RPAP2: variants seen among roughly 807,000 people sequenced by gnomAD.
The protein encoded by RPAP2 is putative RNA polymerase II subunit B1 CTD phosphatase RPAP2.
A neutral mutation model predicts 73.1 loss-of-function variants in RPAP2; 52 were observed. The ratio of observed to expected loss-of-function variants is 0.71; its 90% CI spans 0.57 to 0.90. The LOEUF is 0.90. Among genes scored for constraint, RPAP2 ranks in the 40% least tolerant of loss-of-function variants. The probability of loss-of-function intolerance (pLI) is 0.00; values close to 1 mark genes in which losing one functional copy is unlikely to be tolerated. For missense variants in RPAP2, 598 were observed against 701.8 expected (o/e 0.85, Z 1.67); for synonymous variants, 225 against 242.1 (o/e 0.93, Z 0.65).
chr1:92,364,580 T>C (rs1654860615), intron 11 of RPAP2, among the ~76,000 whole-genome samples: 1 of 152,188 alleles, frequency 6.6e-6, no homozygotes, highest in African/African-American at 2.4e-5. Context: ...TAAGTCATTT[T>C]GCCTTTCAAA....
At chr1:92,308,052 G>T (rs1050903208) in intron 6 of RPAP2, among the ~76,000 whole-genome samples, 2 of 151,888 alleles carry the variant, frequency 1.3e-5, no homozygotes, top group African/African-American at 2.4e-5. Context: ...ATAATGAGAT[G>T]CAGGTTAGCT....
chr1:92,309,580 T>TACACATAC (rs1651465708), intron 6 of RPAP2, among the ~76,000 whole-genome samples: 1 of 147,842 alleles, frequency 6.8e-6, no homozygotes, highest in Non-Finnish European at 1.5e-5. Flanking sequence ...CATATACATA[T>TACACATAC]ACATACACAT....
At chr1:92,344,372 T>G (rs1653766248) in intron 10 of RPAP2, among the ~76,000 whole-genome samples, 2 of 152,154 alleles carry the variant, frequency 1.3e-5, no homozygotes, top group South Asian at 4.1e-4. Context: ...GCCACTGCAC[T>G]CCAGCCTGGG....
chr1:92,308,538 T>C (rs1651383265), intron 6 of RPAP2, among the ~76,000 whole-genome samples: 1 of 152,238 alleles, frequency 6.6e-6, no homozygotes, highest in African/African-American at 2.4e-5. Flanking sequence ...TCTCTACATC[T>C]TAAATTTAAC....
At chr1:92,360,721 G>GT (rs1476610948) in intron 11 of RPAP2, among the ~76,000 whole-genome samples, 1 of 151,938 alleles carries the variant, frequency 6.6e-6, no homozygotes, top group Non-Finnish European at 1.5e-5. Context: ...GTGTTATTTG[G>GT]TAACATTTTG....
rs1438320065 is a variant in RPAP2 at position 92,380,330 on chromosome 1, A to AT, written c.1689-394_1689-393insT. 2.0e-5 allele frequency among the ~76,000 whole-genome samples: 3 copies of AT among 152,104 alleles called. No individual in the cohort carries two copies. In the East Asian group the frequency reaches 5.8e-4, roughly 29 times the overall value. ...ATTCAAAAGGTAATCTTGTTTGTTT[A>AT]CTATTGTCTTTTTAGGTGATATAAT... On this transcript the variant is annotated intron_variant, in intron 11 of 12. Coordinates refer to ENST00000610020, the MANE Select transcript of RPAP2 (RefSeq NM_024813.3).
At position 92,399,469 on chromosome 1, in the gene RPAP2, T is replaced by C. The variant is rs1337206473; in HGVS notation, c.*12458T>C. 1.3e-5 allele frequency: 2 copies of C among 152,216 alleles called. No homozygotes were observed. The highest frequency in any genetic ancestry group is 2.9e-5 in the Non-Finnish European group (2 of 68,036). 9.4% of individuals were successfully genotyped at this position (152,216 alleles called of 1,614,324 possible). A position where few individuals can be genotyped will look rare whatever the true frequency, so the allele number is the denominator to read the frequency against. On this transcript the variant is annotated 3_prime_UTR_variant, in exon 13 of 13. Coordinates refer to ENST00000610020, the MANE Select transcript of RPAP2 (RefSeq NM_024813.3). ...ATGAAGTTTTAACAGTGAAAACTTC[T>C]ATCACTTAGATAAGCAGGAAAAGCC... is the stretch of plus-strand genomic sequence containing the variant.
chr1:92,373,279 A>G (rs1179927321), intron 11 of RPAP2, among the ~76,000 whole-genome samples: 1 of 152,216 alleles, frequency 6.6e-6, no homozygotes, highest in Non-Finnish European at 1.5e-5. Context: ...AATATCCCCA[A>G]GCAAGCCTCT....
At position 92,305,529 on chromosome 1, in the gene RPAP2, A is replaced by G. The variant is rs192711322; in HGVS notation, c.399+1180A>G. 2.4e-4 allele frequency among the ~76,000 whole-genome samples: 37 copies of G among 151,452 alleles called. 1 individual carries two copies. The highest frequency in any genetic ancestry group is 1.2e-3 in the Admixed American group (18 of 15,186). On this transcript the variant is annotated intron_variant, in intron 5 of 12. Coordinates refer to ENST00000610020, the MANE Select transcript of RPAP2 (RefSeq NM_024813.3). Reference sequence around the variant, plus strand: ...GGAAAATTATAGGCCAAAGAGGAGAAACTGATAAACATTTCTATATTAAAA... The same window carrying G: ...GGAAAATTATAGGCCAAAGAGGAGAGACTGATAAACATTTCTATATTAAAA...
chr1:92,376,044 C>A (rs1655375458), intron 11 of RPAP2, among the ~76,000 whole-genome samples: 1 of 150,268 alleles, frequency 6.7e-6, no homozygotes, highest in African/African-American at 2.4e-5. Flanking sequence ...AAAGAAAAAA[C>A]TGCATCTGCT....
intron 12 of RPAP2, among the ~76,000 whole-genome samples, chr1:92,386,149 A>AACTAATCT (rs1438663538): frequency 6.6e-6 from 1 of 152,184 alleles, no homozygotes; most frequent in Non-Finnish European, 1.5e-5. Flanking sequence ...TTGTATTAAT[A>AACTAATCT]ACTAATCTCA....
chr1:92,305,060 G>C (rs1425789788), intron 5 of RPAP2, among the ~76,000 whole-genome samples: 2 of 151,992 alleles, frequency 1.3e-5, no homozygotes, highest in Admixed American at 6.6e-5. Flanking sequence ...GCATGAACCT[G>C]GGAGGCAGAG....
intron 11 of RPAP2, among the ~76,000 whole-genome samples, chr1:92,348,264 T>G (rs1654016619): frequency 6.6e-6 from 1 of 152,210 alleles, no homozygotes; most frequent in South Asian, 2.1e-4. Flanking sequence ...CTTCTCTCTT[T>G]CGTTATGCCC....
chr1:92,371,317 A>ATAT (rs1430055099), intron 11 of RPAP2, among the ~76,000 whole-genome samples: 15 of 55,766 alleles, frequency 2.7e-4, no homozygotes, highest in Admixed American at 5.7e-4. Flanking sequence ...AAAAAAAAAA[A>ATAT]AAATATATAT....
At chr1:92,300,419 G>A (rs1262097301) in intron 2 of RPAP2, among the ~76,000 whole-genome samples, 180 bp downstream of exon 2, 4 of 152,068 alleles carry the variant, frequency 2.6e-5, no homozygotes, top group African/African-American at 9.7e-5. Context: ...TCTACTCCAG[G>A]CTTTAAGAAA....
intron 5 of RPAP2, among the ~76,000 whole-genome samples, chr1:92,305,419 T>G: frequency 3.5e-5 from 2 of 57,306 alleles, no homozygotes; most frequent in Non-Finnish European, 2.8e-5. Flanking sequence ...GGCAACAGAG[T>G]GAGGCTCCGT....
chr1:92,351,911 A>G (rs1192201736), intron 11 of RPAP2, among the ~76,000 whole-genome samples: 1 of 152,150 alleles, frequency 6.6e-6, no homozygotes. Context: ...GGTCAATTGT[A>G]TCATAGGAGT....
intron 10 of RPAP2, among the ~76,000 whole-genome samples, chr1:92,337,151 G>C (rs989581954): frequency 6.6e-6 from 1 of 152,024 alleles, no homozygotes; most frequent in African/African-American, 2.4e-5. Context: ...CACTGACACA[G>C]AATAAACTTC....
At chr1:92,307,340 G>C (rs982958803) in intron 6 of RPAP2, 64 bp downstream of exon 6, 2 of 1,072,836 alleles carry the variant, frequency 1.9e-6, no homozygotes, top group Admixed American at 4.9e-5. Flanking sequence ...TCTGCTTTTT[G>C]AGATTAGCTG....
Sources: gnomAD v4.1 joint callset for allele counts (sites outside exome capture counted in the v4.1 genomes callset) on GRCh38, gnomAD v4.1.1 for gene constraint, MANE v1.5 for transcripts, NCBI Gene and HGNC (gene_info 2026-07-23, HGNC 2026-07-21) for gene names.